Variants in PATZ1 observed in about 807,000 individuals in gnomAD.
The protein encoded by PATZ1 is POZ/BTB and AT hook containing zinc finger 1.
PATZ1 carries 9 observed loss-of-function variants against 46.2 expected under a neutral mutation model. The ratio of observed to expected loss-of-function variants is 0.19; its 90% CI spans 0.12 to 0.34. The LOEUF is 0.34. PATZ1 is among the 10% of genes least tolerant of loss of function. The probability of loss-of-function intolerance (pLI) is 1.00; values close to 1 mark genes in which losing one functional copy is unlikely to be tolerated. For synonymous variants in PATZ1, 426 were observed against 378.6 expected (o/e 1.13, Z -1.45); for missense variants, 632 against 923.0 (o/e 0.68, Z 4.08).
rs2049383774 is a variant in PATZ1 at position 31,327,583 on chromosome 22, C to CA, written c.1646-275dup. ...TGCTCACCGTCATCTCAGCCTGCTT[C>CA]AAGGAAGGGATACAGAGAGGGCAAC... On this transcript the variant is annotated intron_variant, in intron 4 of 4. Transcript: ENST00000266269. The surrounding 1 kb of genome is among the most constrained non-coding windows in gnomAD (Gnocchi z 4.2). 6.6e-6 allele frequency among the ~76,000 whole-genome samples: 1 copy of CA among 152,162 alleles called. No homozygotes were observed. The highest frequency in any genetic ancestry group is 2.1e-4 in the South Asian group (1 of 4,826).
intron 3 of PATZ1, among the ~76,000 whole-genome samples, chr22:31,330,572 C>T (rs1179915772): frequency 6.6e-6 from 1 of 152,208 alleles, no homozygotes; most frequent in Non-Finnish European, 1.5e-5. Context: ...AGCCTGGACT[C>T]CAACCCCAGG....
intron 3 of PATZ1, 121 bp from the exon 4 acceptor site, chr22:31,329,045 GC>G: frequency 9.5e-7 from 1 of 1,047,978 alleles, no homozygotes; most frequent in Non-Finnish European, 1.4e-6. Context: ...CCTAGAAGGG[GC>G]CCCCTCCTGG....
chr22:31,333,496 T>C (rs13054192), intron 3 of PATZ1, among the ~76,000 whole-genome samples: 3 of 149,292 alleles, frequency 2.0e-5, no homozygotes, highest in Admixed American at 6.6e-5. Flanking sequence ...TTTTTTTTTT[T>C]TGTCTCTTCC....
In PATZ1 at chr22:31,326,820, C is replaced by A; in HGVS notation, c.*71G>T. On this transcript the variant is annotated 3_prime_UTR_variant, in exon 5 of 5. Coordinates refer to ENST00000266269, the MANE Select transcript of PATZ1 (RefSeq NM_014323.3). ...TCTCAGCTACAGAACCCAAACATCACTTCCCTCCGCATTCACAGCATTTCC... is the reference window on the plus strand; with the variant it reads ...TCTCAGCTACAGAACCCAAACATCAATTCCCTCCGCATTCACAGCATTTCC... The A allele has an allele frequency of 1.5e-6, 2 of 1,376,484 alleles. No homozygotes were observed. The highest frequency in any genetic ancestry group is 1.4e-5 in the African/African-American group (1 of 68,982). 85.3% of individuals were successfully genotyped at this position (1,376,484 alleles called of 1,614,324 possible).
In PATZ1 at chr22:31,346,106, GGGCGCCGGAGCGGA is replaced by G. The variant is rs1411493467; in HGVS notation, c.-518_-505del. ...CCCTGCAAAGCGCGAGCCGGGGCGG[GGGCGCCGGAGCGGA>G]GGAAACAAAAGGCGAAGGCGAAGGC... On this transcript the variant is annotated 5_prime_UTR_variant, in exon 1 of 5. Coordinates refer to ENST00000266269, the MANE Select transcript of PATZ1 (RefSeq NM_014323.3). 2.6e-5 allele frequency: 4 copies of G among 152,004 alleles called. No individual in the cohort carries two copies. The highest frequency in any genetic ancestry group is 9.7e-5 in the African/African-American group (4 of 41,068). 9.4% of individuals were successfully genotyped at this position (152,004 alleles called of 1,614,324 possible).
chr22:31,341,029 C>G (rs1601494825), intron 2 of PATZ1: 1 of 1,079,948 alleles, frequency 9.3e-7, no homozygotes, highest in Non-Finnish European at 1.1e-6. Context: ...GGCCAGGCCC[C>G]AGTCTAGAAA....
rs1356641007 is a variant in PATZ1 at position 31,344,475 on chromosome 22, G to A, written c.1128C>T (p.Ser376=). 4 of 1,614,210 alleles carry A rather than the reference G, an allele frequency of 2.5e-6. No individual in the cohort carries two copies. Among genetic ancestry groups the A allele is most frequent in the Admixed American group, 1.7e-5 (1 of 60,026 alleles). ...AGGAGTAGGGCTTCTCCCCAGAGTG[G>A]GACAGCTTGTGCCGGTTAAGATGAT... The part of the protein sequence containing the change: ...DVYHLNRHKL[S]HSGEKPYSCP... The change falls in exon 1 of 5, where the codon TCC becomes TCT. Residue 376 remains serine (S), a synonymous_variant. Coordinates refer to ENST00000266269, the MANE Select transcript of PATZ1 (RefSeq NM_014323.3).
intron 1 of PATZ1, chr22:31,343,505 CG>C (rs2049609032): frequency 2.2e-6 from 2 of 910,368 alleles, no homozygotes; most frequent in African/African-American, 1.8e-5. Flanking sequence ...GCTGCCTGAC[CG>C]GTAAGACTGG....
chr22:31,343,661 A>C (rs908967486), intron 1 of PATZ1: 2 of 153,132 alleles, frequency 1.3e-5, no homozygotes, highest in Admixed American at 6.5e-5. Flanking sequence ...CCAACAGGCT[A>C]ACTAGAAAGT....
At chr22:31,330,031 TAC>T (rs1377065296) in intron 3 of PATZ1, among the ~76,000 whole-genome samples, 1 of 152,220 alleles carries the variant, frequency 6.6e-6, no homozygotes, top group African/African-American at 2.4e-5. Flanking sequence ...CTTTCAAAAT[TAC>T]ACAGTCACAG....
At position 31,326,932 on chromosome 22, in the gene PATZ1, G is replaced by C. The variant is rs568056532; in HGVS notation, c.2023C>G (p.Pro675Ala). 4 of 1,614,084 alleles carry C rather than the reference G, an allele frequency of 2.5e-6. No individual in the cohort carries two copies. In the South Asian group the frequency reaches 4.4e-5, roughly 18 times the overall value. The change falls in exon 5 of 5, where the codon CCT becomes GCT. Residue 675 changes from proline to alanine, a missense_variant. This residue lies in a region of PATZ1 where 176 missense variants were observed against 249.4 expected (regional missense o/e 0.71). Transcript: ENST00000266269. ...CCCATGGGCTGCTGGTCAACCTCAGGATCTACTAAAGATGACGCAAATGCC... is the reference window on the plus strand; with the variant it reads ...CCCATGGGCTGCTGGTCAACCTCAGCATCTACTAAAGATGACGCAAATGCC... ...QSAFASSLVD[P>A]EVDQQPMGPE...
chr22:31,339,812 A>G (rs2049557535), intron 2 of PATZ1, among the ~76,000 whole-genome samples: 1 of 152,170 alleles, frequency 6.6e-6, no homozygotes, highest in Non-Finnish European at 1.5e-5. Context: ...TTTCTTCCTA[A>G]GGATTGAGCA....
intron 2 of PATZ1, among the ~76,000 whole-genome samples, chr22:31,342,558 A>C (rs2049595606): frequency 6.6e-6 from 1 of 151,974 alleles, no homozygotes. Flanking sequence ...GGCCCAGCGC[A>C]GTGCCGGGTC....
chr22:31,343,165 G>C (rs2049604566), intron 1 of PATZ1: 1 of 1,310,578 alleles, frequency 7.6e-7, no homozygotes, highest in Non-Finnish European at 9.8e-7. Flanking sequence ...TCTCTGGAGG[G>C]GGGAAGAGAA....
intron 1 of PATZ1, among the ~76,000 whole-genome samples, chr22:31,344,090 G>C (rs977443687): frequency 6.6e-6 from 1 of 152,172 alleles, no homozygotes; most frequent in African/African-American, 2.4e-5. Flanking sequence ...TGAGGAATCC[G>C]GCCCCAGGAG....
chr22:31,332,098 C>T (rs1428038364), intron 3 of PATZ1, among the ~76,000 whole-genome samples: 1 of 152,056 alleles, frequency 6.6e-6, no homozygotes, highest in African/African-American at 2.4e-5. Flanking sequence ...GCAACAACAG[C>T]GAAACTGTCT....
In PATZ1 at chr22:31,345,155, C is replaced by T; in HGVS notation, c.448G>A (p.Glu150Lys). The change falls in exon 1 of 5, where the codon GAG (glutamate) becomes AAG (lysine). Residue 150 changes from glutamate to lysine, a missense_variant. Glu to Lys is a moderately conservative substitution (Grantham distance 56). This residue lies in a region of PATZ1 where 11 missense variants were observed against 53.3 expected (regional missense o/e 0.21). Transcript: ENST00000266269. The surrounding 1 kb of genome is among the most constrained non-coding windows in gnomAD (Gnocchi z 7.4). ...TGTTTGATGACTTCCTGGCAGATCT[C>T]GATAACCGACCTCATCAGCAGGAAC... ...AKFLLMRSVI[E>K]ICQEVIKQSN... 1 of 1,614,178 alleles carries T rather than the reference C, an allele frequency of 6.2e-7. No homozygotes were observed. The highest frequency in any genetic ancestry group is 8.5e-7 in the Non-Finnish European group (1 of 1,180,026).
rs755612777 is a variant in PATZ1 at position 31,327,160 on chromosome 22, A to G, written c.1795T>C (p.Ser599Pro). ...DMAVPKNKMESDGEKKYPCPE... is the reference protein window; with the variant it reads ...DMAVPKNKMEPDGEKKYPCPE... ...CATGGGTACTTCTTCTCCCCATCAG[A>G]CTCCATTTTGTTTTTGGGGACTGCC... Residue 599 changes from serine (S) to proline (P), a missense_variant, in exon 5 of 5, where the codon TCT becomes CCT. Transcript: ENST00000266269. This position sits in a 1 kb window ranked among gnomAD's most constrained non-coding sequence, Gnocchi z 4.2. 5.0e-6 allele frequency: 8 copies of G among 1,613,772 alleles called. No homozygotes were observed. The highest frequency in any genetic ancestry group is 5.1e-6 in the Non-Finnish European group (6 of 1,179,940).
intron 2 of PATZ1, 65 bp downstream of exon 2, chr22:31,342,832 A>AAGGCTG: frequency 3.2e-6 from 5 of 1,575,640 alleles, no homozygotes; most frequent in Non-Finnish European, 4.3e-6. Context: ...CGGCTGGCTC[A>AAGGCTG]AGGCTGCGAC....
Sources: gnomAD v4.1 joint callset for allele counts (sites outside exome capture counted in the v4.1 genomes callset) on GRCh38, gnomAD v4.1.1 for gene constraint, gnomAD v4.1.1 regional missense constraint, Gnocchi (gnomAD v3.1) non-coding constraint, MANE v1.5 for transcripts, NCBI Gene and HGNC (gene_info 2026-07-23, HGNC 2026-07-21) for gene names.